Variants in IGDCC3 observed in about 807,000 individuals in gnomAD.
IGDCC3 encodes putative neuronal cell adhesion molecule.
In IGDCC3, 47 loss-of-function variants were observed where a neutral mutation model predicts 72.0. The observed-to-expected ratio is 0.65, with a 90% confidence interval of 0.52 to 0.83. The LOEUF (loss-of-function observed/expected upper bound fraction) is 0.83, where lower values mean the gene tolerates loss of function less well. Ranked by LOEUF, IGDCC3 falls within the 40% of genes least tolerant of loss-of-function variation. The probability of loss-of-function intolerance (pLI) is 0.00; values close to 1 mark genes in which losing one functional copy is unlikely to be tolerated. For synonymous variants in IGDCC3, 477 were observed against 472.8 expected, an observed-to-expected ratio of 1.01 and a Z score of -0.11; for missense variants, 1,038 against 1,091.3, an observed-to-expected ratio of 0.95 and a Z score of 0.69.
At chr15:65,344,885 C>T (rs2091113479) in intron 2 of IGDCC3, among the ~76,000 whole-genome samples, 1 of 152,022 alleles carries the variant, frequency 6.6e-6, no homozygotes, top group South Asian at 2.1e-4. Context: ...CTGGGGGGTG[C>T]CCTGCCCTGC....
chr15:65,349,353 G>T (rs1482154213), intron 2 of IGDCC3, among the ~76,000 whole-genome samples: 1 of 152,222 alleles, frequency 6.6e-6, no homozygotes. Flanking sequence ...CCAGAAGGCT[G>T]ACATGCCGGC....
chr15:65,376,126 G>T (rs924694032), intron 1 of IGDCC3, among the ~76,000 whole-genome samples: 1 of 152,122 alleles, frequency 6.6e-6, no homozygotes, highest in African/African-American at 2.4e-5. Flanking sequence ...TCTGGGTGTT[G>T]GTCCTTTTGC....
Position 65,377,668 on chromosome 15 carries a change from C to CG in IGDCC3, c.103+17dup. 6.9e-7 allele frequency: 1 copy of CG among 1,444,652 alleles called. No individual in the cohort carries two copies. The highest frequency in any genetic ancestry group is 1.5e-5 in the African/African-American group (1 of 67,848). 89.5% of individuals were successfully genotyped at this position (1,444,652 alleles called of 1,614,324 possible). On this transcript the variant is annotated intron_variant, in intron 1 of 13. Coordinates refer to ENST00000327987, the MANE Select transcript of IGDCC3 (RefSeq NM_004884.4). The surrounding 1 kb of genome is among the most constrained non-coding windows in gnomAD (Gnocchi z 4.9). ...TGGCTCCGTCCGCAACCGCCCGGTCCGGGGCGCTTTCACTCACCCTCGCTC... is the reference window on the plus strand; with the variant it reads ...TGGCTCCGTCCGCAACCGCCCGGTCCGGGGGCGCTTTCACTCACCCTCGCTC...
At chr15:65,335,163 G>T in intron 4 of IGDCC3, 128 bp downstream of exon 4, 1 of 1,056,304 alleles carries the variant, frequency 9.5e-7, no homozygotes, top group Non-Finnish European at 1.4e-6. Flanking sequence ...AGGCAGCACA[G>T]AGCCCGGCAC....
Position 65,334,787 on chromosome 15 carries a change from G to A in IGDCC3, c.764C>T (p.Ala255Val), listed in dbSNP as rs566110098. Reference protein sequence around the residue: ...ENLTLTVHQTAVLECVATGNP... With the variant: ...ENLTLTVHQTVVLECVATGNP... ...GCCCGTGGCGACACACTCAAGCACC[G>A]CGGTCTGGTGCACTGTCAGGGTGAG... The change falls in exon 5 of 14, where the codon GCG becomes GTG. Residue 255 changes from alanine (A) to valine (V), a missense_variant. Coordinates refer to ENST00000327987, the MANE Select transcript of IGDCC3 (RefSeq NM_004884.4). 12 of 1,610,748 alleles carry A rather than the reference G, an allele frequency of 7.4e-6. No homozygotes were observed. The highest frequency in any genetic ancestry group is 1.7e-5 in the Admixed American group (1 of 59,620).
Position 65,377,849 on chromosome 15 carries a change from C to A in IGDCC3, c.-61G>T. The A allele has an allele frequency of 9.0e-7, 1 of 1,109,490 alleles. No homozygotes were observed. The highest frequency in any genetic ancestry group is 1.1e-6 in the Non-Finnish European group (1 of 910,596). The allele number at this position is 1,109,490 out of a possible 1,614,324, so 68.7% of individuals were successfully genotyped here. Reference sequence around the variant, plus strand: ...CTCCCGGGCCTCTCGCGGCTCACAGCGTCCCGCGGGGCCGGCGCCGGGGCC... The same window carrying A: ...CTCCCGGGCCTCTCGCGGCTCACAGAGTCCCGCGGGGCCGGCGCCGGGGCC... On this transcript the variant is annotated 5_prime_UTR_variant, in exon 1 of 14. Transcript: ENST00000327987. The surrounding 1 kb of genome is among the most constrained non-coding windows in gnomAD (Gnocchi z 4.9).
At chr15:65,355,837 G>C (rs908648190) in intron 2 of IGDCC3, 5 of 425,160 alleles carry the variant, frequency 1.2e-5, no homozygotes, top group African/African-American at 1.0e-4. Flanking sequence ...TGGGGCGAGC[G>C]AGGCACCATT....
At chr15:65,362,799 T>C (rs937339730) in intron 2 of IGDCC3, among the ~76,000 whole-genome samples, 2 of 151,262 alleles carry the variant, frequency 1.3e-5, no homozygotes, top group African/African-American at 4.9e-5. Flanking sequence ...CCAACGGTCC[T>C]GTCGGGGTGA....
At chr15:65,364,093 A>G (rs1338312364) in intron 2 of IGDCC3, among the ~76,000 whole-genome samples, 1 of 150,838 alleles carries the variant, frequency 6.6e-6, no homozygotes, top group Non-Finnish European at 1.5e-5. Context: ...TGTTCTCTAC[A>G]CTCCCCTACT....
chr15:65,347,099 C>T (rs1358948289), intron 2 of IGDCC3, among the ~76,000 whole-genome samples: 2 of 152,190 alleles, frequency 1.3e-5, no homozygotes, highest in African/African-American at 2.4e-5. Context: ...CCCTAACTTC[C>T]GTCGTTCTGG....
chr15:65,343,118 C>A (rs1188821133), intron 2 of IGDCC3, among the ~76,000 whole-genome samples: 1 of 152,132 alleles, frequency 6.6e-6, no homozygotes, highest in Non-Finnish European at 1.5e-5. Flanking sequence ...AGAGCCACTG[C>A]AATAGGGGGA....
intron 2 of IGDCC3, among the ~76,000 whole-genome samples, chr15:65,345,060 A>G (rs2091114493): frequency 6.6e-6 from 1 of 152,184 alleles, no homozygotes; most frequent in Non-Finnish European, 1.5e-5. Flanking sequence ...GAGTCAGGAC[A>G]TGTCCTGGTT....
Position 65,328,783 on chromosome 15 carries a change from G to GCAGT in IGDCC3, c.*122_*125dup, listed in dbSNP as rs2090946268. The GCAGT allele has an allele frequency of 1.6e-6, 2 of 1,225,108 alleles. No individual in the cohort carries two copies. The highest frequency in any genetic ancestry group is 2.2e-6 in the Non-Finnish European group (2 of 920,420). The allele number at this position is 1,225,108 out of a possible 1,614,324, so 75.9% of individuals were successfully genotyped here. ...GCCTTGGGTTTTGACAACCCAAGAG[G>GCAGT]CAGTCAGGATAGAAATGCTGGGGAG... On this transcript the variant is annotated 3_prime_UTR_variant, in exon 14 of 14. Transcript: ENST00000327987.
rs766381756 is a variant in IGDCC3 at position 65,333,433 on chromosome 15, G to T, written c.824-18C>A. ...GCGACCATCTGCAGAGGAAGGGGAG[G>T]GGGGATGGGTGAGGGTCAGATAGAG... On this transcript the variant is annotated intron_variant, in intron 5 of 13. Coordinates refer to ENST00000327987, the MANE Select transcript of IGDCC3 (RefSeq NM_004884.4). The T allele has an allele frequency of 1.9e-6, 3 of 1,583,030 alleles. No individual in the cohort carries two copies. The highest frequency in any genetic ancestry group is 2.6e-6 in the Non-Finnish European group (3 of 1,164,386).
intron 2 of IGDCC3, among the ~76,000 whole-genome samples, chr15:65,346,790 G>C (rs1406868858): frequency 1.3e-5 from 2 of 152,094 alleles, no homozygotes; most frequent in South Asian, 2.1e-4. Context: ...CTGGATATGT[G>C]ATCTTGGTAA....
intron 2 of IGDCC3, among the ~76,000 whole-genome samples, chr15:65,355,560 C>A (rs2091211460): frequency 6.7e-6 from 1 of 149,442 alleles, no homozygotes; most frequent in African/African-American, 2.4e-5. Context: ...GGGCCCGAGG[C>A]GGGGGCCGGT....
Position 65,330,315 on chromosome 15 carries a change from C to T in IGDCC3, c.1836G>A (p.Leu612=), listed in dbSNP as rs145256493. ...DGNATVRFVS[L]RGASERTALS... ...CACCTGTCCTCTCAGATGCTCCCCT[C>T]AAAGACACAAAGCGGACTGTGGCAT... Residue 612 remains leucine (L), a synonymous_variant, in exon 11 of 14, where the codon TTG becomes TTA. Transcript: ENST00000327987. The T allele has an allele frequency of 1.2e-6, 2 of 1,613,846 alleles. No individual in the cohort carries two copies. The highest frequency in any genetic ancestry group is 1.1e-5 in the South Asian group (1 of 91,038).
At position 65,352,867 on chromosome 15, in the gene IGDCC3, T is replaced by C. The variant is rs115316846; in HGVS notation, c.410-16911A>G. Among the ~76,000 whole-genome samples, 544 of 152,350 alleles carry C rather than the reference T, an allele frequency of 3.6e-3. 5 individuals carry two copies. Among genetic ancestry groups the C allele is most frequent in the African/African-American group, 0.012 (517 of 41,576 alleles). ...TGTTTCAAGAACTATGGTACACTTA[T>C]TGTTAAAGTCTAGTCTCATTAGTTG... On this transcript the variant is annotated intron_variant, in intron 2 of 13. Transcript: ENST00000327987.
intron 7 of IGDCC3, 50 bp from the exon 8 acceptor site, chr15:65,331,709 C>A: frequency 6.6e-7 from 1 of 1,517,858 alleles, no homozygotes; most frequent in South Asian, 1.3e-5. Flanking sequence ...GGAGGTTGAC[C>A]AAATCTCCCC....
Sources: allele counts gnomAD v4.1 joint callset (sites outside exome capture counted in the v4.1 genomes callset), GRCh38; gene constraint gnomAD v4.1.1; non-coding constraint Gnocchi (gnomAD v3.1); transcripts MANE v1.5; gene names NCBI Gene and HGNC (gene_info 2026-07-23, HGNC 2026-07-21).